ROBO2: variants seen among roughly 807,000 people sequenced by gnomAD.
ROBO2 encodes roundabout guidance receptor 2.
A neutral mutation model predicts 160.8 loss-of-function variants in ROBO2; 53 were observed. The ratio of observed to expected loss-of-function variants is 0.33; its 90% CI spans 0.26 to 0.41. The LOEUF is 0.41. Among genes scored for constraint, ROBO2 ranks in the 10% least tolerant of loss-of-function variants. The pLI is 1.00. For missense variants in ROBO2, 1,577 were observed against 1,722.4 expected, an observed-to-expected ratio of 0.92 and a Z score of 1.49; for synonymous variants, 664 against 611.7, an observed-to-expected ratio of 1.09 and a Z score of -1.26.
At chr3:77,134,176 CA>C (rs577125248) in intron 2 of ROBO2, among the ~76,000 whole-genome samples, 45 of 141,698 alleles carry the variant, frequency 3.2e-4, no homozygotes, top group South Asian at 2.7e-3. Context: ...AACTTTGGCT[CA>C]AAAAAAAAAG....
At chr3:77,190,515 A>G (rs761120853) in intron 2 of ROBO2, among the ~76,000 whole-genome samples, 1 of 151,962 alleles carries the variant, frequency 6.6e-6, no homozygotes, top group Non-Finnish European at 1.5e-5. Flanking sequence ...TTCTTTTCAG[A>G]CAAAACCTGT....
At chr3:77,291,623 T>A (rs1235632213) in intron 2 of ROBO2, among the ~76,000 whole-genome samples, 14 of 151,006 alleles carry the variant, frequency 9.3e-5, no homozygotes, top group African/African-American at 3.4e-4. Flanking sequence ...AATTGACGGT[T>A]AAATGGGTAA....
chr3:77,588,622 T>C (rs2094111715), intron 16 of ROBO2, 129 bp from the exon 18 acceptor site: 2 of 864,202 alleles, frequency 2.3e-6, no homozygotes, highest in African/African-American at 1.7e-5. Flanking sequence ...TCAATACTTG[T>C]GATAGGCTCA....
intron 2 of ROBO2, among the ~76,000 whole-genome samples, chr3:76,436,925 G>C (rs1019158038): frequency 5.3e-5 from 8 of 152,134 alleles, no homozygotes; most frequent in African/African-American, 1.9e-4. Context: ...AGGCCAATTT[G>C]TTAGCTATGC....
At position 77,623,665 on chromosome 3, in the gene ROBO2, C is replaced by A. The variant is rs190812556; in HGVS notation, c.3760+1233C>A. Among the ~76,000 whole-genome samples the A allele has an allele frequency of 3.3e-5, 5 of 152,310 alleles. No homozygotes were observed. In the East Asian group the frequency reaches 9.7e-4, roughly 29 times the overall value. Reference sequence around the variant, plus strand: ...CCAGATCCAACCGAAGGTGACAGAGCACAAGTTAAAATCTTCAAATGCAGA... The same window carrying A: ...CCAGATCCAACCGAAGGTGACAGAGAACAAGTTAAAATCTTCAAATGCAGA... On this transcript the variant is annotated intron_variant, in intron 23 of 25. Coordinates refer to ENST00000461745, the Ensembl canonical transcript of ROBO2.
intron 2 of ROBO2, among the ~76,000 whole-genome samples, chr3:76,969,072 G>C (rs796941045): frequency 7.8e-4 from 119 of 152,218 alleles, no homozygotes; most frequent in African/African-American, 2.6e-3. Context: ...AAGACTTGGA[G>C]TAAGTGAAAT....
At chr3:77,302,364 G>A (rs796895849) in intron 2 of ROBO2, among the ~76,000 whole-genome samples, 12 of 150,874 alleles carry the variant, frequency 8.0e-5, no homozygotes, top group African/African-American at 2.4e-4. Context: ...TTTGTGGTGC[G>A]CCCTTAATGC....
chr3:76,330,572 T>G (rs914333381), intron 2 of ROBO2, among the ~76,000 whole-genome samples: 2 of 152,168 alleles, frequency 1.3e-5, no homozygotes, highest in Non-Finnish European at 2.9e-5. Context: ...AGTTTTAGAA[T>G]CTAAATGCAA....
chr3:76,559,470 C>T (rs1490375208), intron 2 of ROBO2, among the ~76,000 whole-genome samples: 2 of 152,038 alleles, frequency 1.3e-5, no homozygotes, highest in African/African-American at 4.8e-5. Context: ...AACCAATCAA[C>T]CAATTGGTTA....
At chr3:76,388,484 G>A (rs1246051345) in intron 2 of ROBO2, among the ~76,000 whole-genome samples, 1 of 152,000 alleles carries the variant, frequency 6.6e-6, no homozygotes, top group Non-Finnish European at 1.5e-5. Context: ...TGTTAGCCAG[G>A]ATGGTCTCCA....
chr3:77,409,238 T>C (rs1201517310), intron 2 of ROBO2, among the ~76,000 whole-genome samples: 4 of 151,764 alleles, frequency 2.6e-5, no homozygotes, highest in Non-Finnish European at 1.5e-5. Flanking sequence ...TCTAAAGCAG[T>C]TAATATTTAC....
At chr3:77,446,605 T>C (rs1269432573) in intron 2 of ROBO2, among the ~76,000 whole-genome samples, 1 of 152,110 alleles carries the variant, frequency 6.6e-6, no homozygotes, top group African/African-American at 2.4e-5. Flanking sequence ...AAATAGACAC[T>C]GTATTTTTCT....
At chr3:76,925,276 A>G (rs1413002102) in intron 2 of ROBO2, among the ~76,000 whole-genome samples, 1 of 150,580 alleles carries the variant, frequency 6.6e-6, no homozygotes, top group Non-Finnish European at 1.5e-5. Context: ...TATTTGTTGG[A>G]TAGATAAATA....
intron 2 of ROBO2, among the ~76,000 whole-genome samples, chr3:77,458,485 C>T (rs1335296976): frequency 8.6e-5 from 13 of 151,972 alleles, no homozygotes; most frequent in Non-Finnish European, 1.3e-4. Flanking sequence ...TGAGGGTTTC[C>T]GCATACCTAT....
chr3:77,557,958 C>T (rs2093182864), exon 9 of ROBO2: 2 of 1,612,850 alleles, frequency 1.2e-6, no homozygotes, highest in Non-Finnish European at 1.7e-6. Flanking sequence ...GACAGATAGA[C>T]CTCCACCTAT....
intron 8 of ROBO2, among the ~76,000 whole-genome samples, chr3:77,556,901 G>A (rs1054124562): frequency 8.6e-5 from 13 of 151,680 alleles, no homozygotes; most frequent in African/African-American, 2.4e-4. Context: ...TGTCTATGCC[G>A]AAGTTTATAG....
chr3:77,570,828 T>C (rs1249787696), intron 13 of ROBO2, among the ~76,000 whole-genome samples: 1 of 152,012 alleles, frequency 6.6e-6, no homozygotes, highest in Non-Finnish European at 1.5e-5. Context: ...GATTAGGTTT[T>C]GGGCCAGCTG....
chr3:77,353,107 A>AGT (rs11274865), intron 2 of ROBO2, among the ~76,000 whole-genome samples: 1 of 151,910 alleles, frequency 6.6e-6, no homozygotes, highest in African/African-American at 2.4e-5. Context: ...ATAGTTTAAA[A>AGT]ATTTATTTTT....
chr3:76,194,352 A>AC lies in ROBO2; in HGVS notation c.109+256750_109+256751insC, dbSNP rs745940652. On this transcript the variant is annotated intron_variant, in intron 2 of 26. Transcript: ENST00000487694. ...ATCTATATAAATATGTATGGTGTGT[A>AC]AATATATATATATATATATATATAT... Among the ~76,000 whole-genome samples, 90 of 104,158 alleles carry AC rather than the reference A, an allele frequency of 8.6e-4. 2 individuals are homozygous for AC. The highest frequency in any genetic ancestry group is 1.8e-3 in the South Asian group (6 of 3,424). The allele number at this position is 104,158 out of a possible 152,430, so 68.3% of individuals were successfully genotyped here.
Sources: allele counts gnomAD v4.1 joint callset (sites outside exome capture counted in the v4.1 genomes callset), GRCh38; gene constraint gnomAD v4.1.1; transcripts MANE v1.5; gene names NCBI Gene and HGNC (gene_info 2026-07-23, HGNC 2026-07-21).